Variants in MAML2 observed in about 807,000 individuals in gnomAD.
MAML2 encodes mastermind like transcriptional coactivator 2.
Under a neutral mutation model 96.1 loss-of-function variants are expected in MAML2, and 22 were observed. The ratio of observed to expected loss-of-function variants is 0.23; its 90% CI spans 0.16 to 0.33. The LOEUF is 0.33. Ranked by LOEUF, MAML2 falls within the 10% of genes least tolerant of loss-of-function variation. The pLI, the probability that MAML2 is intolerant of heterozygous loss-of-function variation, is 1.00. For synonymous variants in MAML2, 561 were observed against 521.3 expected (o/e 1.08, Z -1.04); for missense variants, 1,367 against 1,392.4 (o/e 0.98, Z 0.29).
intron 1 of MAML2, among the ~76,000 whole-genome samples, chr11:96,208,140 CT>C (rs1370564311): frequency 2.0e-5 from 3 of 152,206 alleles, no homozygotes; most frequent in Non-Finnish European, 4.4e-5. Context: ...AATTTTTCAT[CT>C]ACTGTATTCT....
chr11:96,338,369 G>A (rs1212139924), intron 1 of MAML2, among the ~76,000 whole-genome samples: 2 of 152,270 alleles, frequency 1.3e-5, no homozygotes, highest in African/African-American at 4.8e-5. Context: ...TTGTACTTGA[G>A]CTAAATGAAG....
At chr11:96,178,962 C>T (rs141336980) in intron 1 of MAML2, among the ~76,000 whole-genome samples, 572 of 152,186 alleles carry the variant, frequency 3.8e-3, no homozygotes, top group Non-Finnish European at 6.1e-3. Flanking sequence ...AATCATTGCC[C>T]GATGAAATGG....
intron 1 of MAML2, among the ~76,000 whole-genome samples, chr11:96,248,772 C>T: frequency 6.6e-6 from 1 of 152,188 alleles, no homozygotes; most frequent in East Asian, 1.9e-4. Context: ...AATGTCTGTA[C>T]TCACTGTCTC....
chr11:96,272,052 T>A (rs1862922925), intron 1 of MAML2, among the ~76,000 whole-genome samples: 1 of 152,148 alleles, frequency 6.6e-6, no homozygotes, highest in South Asian at 2.1e-4. Context: ...TACACCTCCT[T>A]CAGGTCCTTG....
chr11:96,000,075 A>C (rs62028), intron 2 of MAML2, among the ~76,000 whole-genome samples: 36,078 of 152,094 alleles, frequency 0.24, 4,594 homozygotes, highest in East Asian at 0.4. Flanking sequence ...CCACTTGCTC[A>C]AAGTTATTTA....
intron 2 of MAML2, among the ~76,000 whole-genome samples, chr11:96,020,739 C>T (rs1231712468): frequency 6.6e-6 from 1 of 152,188 alleles, no homozygotes; most frequent in Non-Finnish European, 1.5e-5. Flanking sequence ...GTATATTTTA[C>T]ACATTAATCA....
intron 1 of MAML2, among the ~76,000 whole-genome samples, chr11:96,264,921 A>G (rs189851260): frequency 6.2e-4 from 95 of 152,338 alleles, no homozygotes; most frequent in African/African-American, 2.3e-3. Context: ...CTATAAGCCC[A>G]CTACATCCTG....
rs184482549 is a variant in MAML2, at chr11:96,232,532, C to T, written c.513+108851G>A. ...TCGCCCAGGCTGGAGTGCAATGGTGCGATCTCGGCTCACTGCAAGCTCCGC... is the reference window on the plus strand; with the variant it reads ...TCGCCCAGGCTGGAGTGCAATGGTGTGATCTCGGCTCACTGCAAGCTCCGC... On this transcript the variant is annotated intron_variant, in intron 1 of 4. Coordinates refer to ENST00000524717, the MANE Select transcript of MAML2 (RefSeq NM_032427.4). Among the ~76,000 whole-genome samples, 314 of 151,908 alleles carry T rather than the reference C, an allele frequency of 2.1e-3. 6 individuals carry two copies. Among genetic ancestry groups the T allele is most frequent in the Non-Finnish European group, 1.0e-4 (7 of 67,942 alleles).
intron 1 of MAML2, among the ~76,000 whole-genome samples, chr11:96,115,329 A>G (rs1860215794): frequency 6.6e-6 from 1 of 151,738 alleles, no homozygotes; most frequent in Non-Finnish European, 1.5e-5. Flanking sequence ...ATGCTTGGCT[A>G]TGTATTTATT....
At chr11:96,330,317 C>G (rs563296999) in intron 1 of MAML2, among the ~76,000 whole-genome samples, 4 of 152,232 alleles carry the variant, frequency 2.6e-5, no homozygotes, top group Non-Finnish European at 5.9e-5. Context: ...TGCCATGTAC[C>G]AAACAAAACT....
intron 3 of MAML2, among the ~76,000 whole-genome samples, chr11:95,986,602 T>C (rs1857833420): frequency 6.6e-6 from 1 of 152,188 alleles, no homozygotes; most frequent in South Asian, 2.1e-4. Context: ...TATCTCTTTT[T>C]TACCTTCGCA....
At chr11:96,050,003 T>A (rs1193820628) in intron 2 of MAML2, among the ~76,000 whole-genome samples, 1 of 152,226 alleles carries the variant, frequency 6.6e-6, no homozygotes, top group Non-Finnish European at 1.5e-5. Context: ...TCACGTTCTT[T>A]CCGAACAGTA....
At chr11:96,139,166 G>C (rs1484411871) in intron 1 of MAML2, among the ~76,000 whole-genome samples, 1 of 152,054 alleles carries the variant, frequency 6.6e-6, no homozygotes, top group South Asian at 2.1e-4. Flanking sequence ...ACAGCGATCA[G>C]ATACATTAGG....
chr11:96,009,453 A>ATC (rs1858234442), intron 2 of MAML2, among the ~76,000 whole-genome samples: 1 of 152,166 alleles, frequency 6.6e-6, no homozygotes, highest in Non-Finnish European at 1.5e-5. Context: ...TTTTATATAT[A>ATC]GGGAAAGCAC....
Position 96,175,610 on chromosome 11 carries a change from T to C in MAML2, c.514-82093A>G, listed in dbSNP as rs75010664. ...TTGTTTTGTTTTGTTTTTTTTTAGA[T>C]GGAGTGTCACCCTGTCATCACTCAG... is the stretch of plus-strand genomic sequence containing the variant. On this transcript the variant is annotated intron_variant, in intron 1 of 4. Coordinates refer to ENST00000524717, the MANE Select transcript of MAML2 (RefSeq NM_032427.4). Among the ~76,000 whole-genome samples, 42 of 152,272 alleles carry C rather than the reference T, an allele frequency of 2.8e-4. No individual in the cohort carries two copies. In the East Asian group the frequency reaches 4.1e-3, roughly 15 times the overall value.
chr11:96,005,333 A>G (rs145391096), intron 2 of MAML2, among the ~76,000 whole-genome samples: 1 of 152,124 alleles, frequency 6.6e-6, no homozygotes, highest in South Asian at 2.1e-4. Flanking sequence ...AAATCTTTTA[A>G]ATTTTCAGTC....
intron 2 of MAML2, among the ~76,000 whole-genome samples, chr11:96,019,671 CTGATAATAATAATTATAATAA>C (rs1170481189): frequency 0.015 from 1,666 of 108,430 alleles, 28 homozygotes; most frequent in South Asian, 0.073. Flanking sequence ...CAGCCAAGGG[CTGATAATAATAATTATAATAA>C]TAATAATAAT....
intron 1 of MAML2, among the ~76,000 whole-genome samples, chr11:96,233,840 AGT>A (rs1278704330): frequency 6.6e-6 from 1 of 152,190 alleles, no homozygotes; most frequent in Non-Finnish European, 1.5e-5. Flanking sequence ...TAGAAAAAGG[AGT>A]GAAGTGAATG....
intron 1 of MAML2, among the ~76,000 whole-genome samples, chr11:96,107,912 T>C (rs1860050920): frequency 6.6e-6 from 1 of 152,240 alleles, no homozygotes; most frequent in Non-Finnish European, 1.5e-5. Flanking sequence ...ATCTCTTCCA[T>C]CTGGCTGTTC....
Sources: allele counts gnomAD v4.1 joint callset (sites outside exome capture counted in the v4.1 genomes callset), GRCh38; gene constraint gnomAD v4.1.1; transcripts MANE v1.5; gene names NCBI Gene and HGNC (gene_info 2026-07-23, HGNC 2026-07-21).